SLC26A8: variants seen among roughly 807,000 people sequenced by gnomAD.
SLC26A8 encodes the protein testis anion transporter 1.
SLC26A8 carries 70 observed loss-of-function variants against 105.0 expected under a neutral mutation model. The observed-to-expected ratio is 0.67, with a 90% CI of 0.55 to 0.81. The LOEUF is 0.81. Ranked by LOEUF, SLC26A8 falls within the 40% of genes least tolerant of loss-of-function variation. SLC26A8 has a pLI of 0.00. For missense variants in SLC26A8, 998 were observed against 1,181.8 expected (o/e 0.84, Z 2.28); for synonymous variants, 415 against 438.3 (o/e 0.95, Z 0.66).
chr6:35,968,609 GTATATA>G (rs55987809), intron 11 of SLC26A8, among the ~76,000 whole-genome samples: 789 of 59,930 alleles, frequency 0.013, 5 homozygotes, highest in South Asian at 0.074. Flanking sequence ...GTGTGTGTGT[GTATATA>G]TATATATATA....
intron 19 of SLC26A8, 98 bp from the exon 20 acceptor site, chr6:35,944,438 G>A: frequency 2.5e-6 from 2 of 807,466 alleles, no homozygotes; most frequent in Non-Finnish European, 3.9e-6. Context: ...TGAGAGGCTG[G>A]GGCAGGAGAA....
In SLC26A8 at chr6:35,962,516, C is replaced by A; in HGVS notation, c.1461+10G>T. 1 of 1,611,732 alleles carries A rather than the reference C, an allele frequency of 6.2e-7. No individual in the cohort carries two copies. Among genetic ancestry groups the A allele is most frequent in the Non-Finnish European group, 8.5e-7 (1 of 1,177,952 alleles). On this transcript the variant is annotated intron_variant, in intron 12 of 19. Coordinates refer to ENST00000490799, the MANE Select transcript of SLC26A8 (RefSeq NM_052961.4). ...CCCTCCCCTTCCTCAGCCAGGGCAT[C>A]TACACTCACACAGTCATATTGGTCC...
rs1163172753 is a variant in SLC26A8, at chr6:35,959,804, G to C, written c.1641C>G (p.Ile547Met). The change falls in exon 15 of 20, where the codon ATC (isoleucine) becomes ATG (methionine). Residue 547 changes from isoleucine to methionine, a missense_variant and splice_region_variant. Transcript: ENST00000490799. ...IYRSINDYRE[I>M]ITIPGVKIFQ... Reference sequence around the variant, plus strand: ...AGATTTTCACCCCAGGAATGGTGATGATCTGCAAGACAAAATGTGAAGTTG... The same window carrying C: ...AGATTTTCACCCCAGGAATGGTGATCATCTGCAAGACAAAATGTGAAGTTG... The C allele has an allele frequency of 2.5e-6, 4 of 1,604,230 alleles. No individual in the cohort carries two copies. The highest frequency in any genetic ancestry group is 3.4e-6 in the Non-Finnish European group (4 of 1,176,686).
chr6:35,994,733 G>A lies in SLC26A8; in HGVS notation c.628-2059C>T, dbSNP rs141527966. The stretch of plus-strand genomic sequence containing the variant: ...TGGGATTACAGGTGCCCAGCACCAC[G>A]CCTGGCTAATTTTTGTATTTTTAAG... On this transcript the variant is annotated intron_variant, in intron 5 of 19. Transcript: ENST00000490799. Among the ~76,000 whole-genome samples the A allele has an allele frequency of 2.2e-3, 328 of 152,186 alleles. 3 individuals are homozygous for A. In the East Asian group the frequency reaches 0.049, roughly 23 times the overall value.
At chr6:35,978,190 A>G (rs1773118574) in intron 8 of SLC26A8, among the ~76,000 whole-genome samples, 1 of 151,928 alleles carries the variant, frequency 6.6e-6, no homozygotes, top group African/African-American at 2.4e-5. Context: ...TCCTTCATAA[A>G]CACAAATGCA....
intron 4 of SLC26A8, among the ~76,000 whole-genome samples, chr6:35,998,384 C>T (rs963677005): frequency 1.3e-5 from 2 of 151,832 alleles, no homozygotes; most frequent in African/African-American, 4.8e-5. Flanking sequence ...GGAGAAACCC[C>T]GTCTCTACCA....
At chr6:35,964,499 T>C (rs1772426386) in intron 11 of SLC26A8, among the ~76,000 whole-genome samples, 1 of 151,918 alleles carries the variant, frequency 6.6e-6, no homozygotes, top group Admixed American at 6.6e-5. Flanking sequence ...ATACAAAAAT[T>C]AGCCGGGCAT....
chr6:35,960,768 T>A lies in SLC26A8; in HGVS notation c.1638+75A>T, dbSNP rs77229924. 3.1e-3 allele frequency: 4,415 copies of A among 1,408,236 alleles called. 112 individuals are homozygous for A. In the African/African-American group the frequency reaches 0.054, roughly 17 times the overall value. The allele number at this position is 1,408,236 out of a possible 1,614,324, so 87.2% of individuals were successfully genotyped here. A position where few individuals can be genotyped will look rare whatever the true frequency, so the allele number is the denominator to read the frequency against. On this transcript the variant is annotated intron_variant, in intron 14 of 19. Transcript: ENST00000490799. The stretch of plus-strand genomic sequence containing the variant: ...TGCAGGAAACAATGGCAAGGGATTT[T>A]GTAGAAAAACTAAGCATGAGGTGGG...
chr6:36,024,396 G>C (rs1762206151), intron 1 of SLC26A8, 108 bp downstream of exon 1: 1 of 447,008 alleles, frequency 2.2e-6, no homozygotes, highest in Non-Finnish European at 4.5e-6. Flanking sequence ...GAGTGCCCAC[G>C]GCGTGCCTGG....
At chr6:35,983,923 A>G (rs1013212380) in intron 7 of SLC26A8, among the ~76,000 whole-genome samples, 3 of 152,088 alleles carry the variant, frequency 2.0e-5, no homozygotes, top group African/African-American at 7.2e-5. Flanking sequence ...AACATTAGTA[A>G]TTTCTTTGTG....
intron 3 of SLC26A8, among the ~76,000 whole-genome samples, chr6:36,006,347 T>C (rs563720764): frequency 6.6e-6 from 1 of 152,342 alleles, no homozygotes; most frequent in South Asian, 2.1e-4. Flanking sequence ...CTCGACCTCC[T>C]GACCTCAAGT....
At chr6:35,997,237 C>A (rs1219366504) in intron 5 of SLC26A8, among the ~76,000 whole-genome samples, 1 of 152,112 alleles carries the variant, frequency 6.6e-6, no homozygotes, top group Non-Finnish European at 1.5e-5. Flanking sequence ...TCTGTCAGAT[C>A]AGCCACAGCA....
At chr6:35,977,053 A>C in intron 9 of SLC26A8, 151 bp downstream of exon 9, 2 of 750,426 alleles carry the variant, frequency 2.7e-6, no homozygotes, top group Non-Finnish European at 4.1e-6. Flanking sequence ...AAAGTTAAGT[A>C]TCCCTCACCT....
In SLC26A8 at chr6:35,997,895, A is replaced by G; in HGVS notation, c.470T>C (p.Leu157Pro). The change falls in exon 5 of 20, where the codon CTG becomes CCG. Residue 157 changes from leucine to proline, a missense_variant. Leu to Pro is a moderately conservative substitution (Grantham distance 98, BLOSUM62 -3). Coordinates refer to ENST00000490799, the MANE Select transcript of SLC26A8 (RefSeq NM_052961.4). Reference sequence around the variant, plus strand: ...GCTCACTTTCAGAACGTTGATCAGCAGAGCACTCACCAGGAAGAAGGAACC... The same window carrying G: ...GCTCACTTTCAGAACGTTGATCAGCGGAGCACTCACCAGGAAGAAGGAACC... ...SIGSFFLVSALLINVLKVSPF... is the reference protein window; with the variant it reads ...SIGSFFLVSAPLINVLKVSPF... The G allele has an allele frequency of 6.2e-7, 1 of 1,614,132 alleles. No individual in the cohort carries two copies.
chr6:35,976,213 C>A (rs1773015907), intron 9 of SLC26A8, among the ~76,000 whole-genome samples: 2 of 151,946 alleles, frequency 1.3e-5, no homozygotes, highest in Admixed American at 6.6e-5. Flanking sequence ...ATTGTGAGGT[C>A]AGGAGTTCGA....
intron 7 of SLC26A8, among the ~76,000 whole-genome samples, chr6:35,985,784 G>A: frequency 6.6e-6 from 1 of 151,022 alleles, no homozygotes; most frequent in South Asian, 2.1e-4. Context: ...GCCTCCTAAG[G>A]TGCCAGAGAT....
rs754589775 is a variant in SLC26A8, at chr6:36,016,085, C to A, written c.188+3435G>T. Among the ~76,000 whole-genome samples the A allele has an allele frequency of 3.9e-5, 6 of 152,076 alleles. No individual in the cohort carries two copies. In the South Asian group the frequency reaches 1.2e-3, roughly 32 times the overall value. On this transcript the variant is annotated intron_variant, in intron 2 of 19. Transcript: ENST00000490799. Reference sequence around the variant, plus strand: ...CTCGGCTCACTGCAACCTCTGCCTCCCGGATTCAAGCGATTCTCCTGCCTC... The same window carrying A: ...CTCGGCTCACTGCAACCTCTGCCTCACGGATTCAAGCGATTCTCCTGCCTC...
At chr6:35,969,706 G>C (rs996641301) in intron 10 of SLC26A8, 27 of 151,926 alleles carry the variant, frequency 1.8e-4, no homozygotes, top group African/African-American at 5.6e-4. Flanking sequence ...TGCTGCTTGG[G>C]TAACTGCCCA....
chr6:35,989,073 C>G (rs752073865), intron 7 of SLC26A8, among the ~76,000 whole-genome samples: 9 of 152,060 alleles, frequency 5.9e-5, no homozygotes, highest in Non-Finnish European at 1.0e-4. Flanking sequence ...ATCTCCTAAC[C>G]TCGTGATCCA....
Sources: allele counts gnomAD v4.1 joint callset (sites outside exome capture counted in the v4.1 genomes callset), GRCh38; gene constraint gnomAD v4.1.1; transcripts MANE v1.5; gene names NCBI Gene and HGNC (gene_info 2026-07-23, HGNC 2026-07-21).